Variants in SYNPR observed in about 807,000 individuals in gnomAD.
SYNPR encodes the protein synaptoporin.
Under a neutral mutation model 32.9 loss-of-function variants are expected in SYNPR, and 23 were observed. The ratio of observed to expected loss-of-function variants is 0.70; its 90% confidence interval spans 0.50 to 0.99. The LOEUF is 0.99. Among genes scored for constraint, SYNPR ranks in the 50% least tolerant of loss-of-function variants. SYNPR has a pLI of 0.00. For synonymous variants in SYNPR, 146 were observed against 135.9 expected, an observed-to-expected ratio of 1.07 and a Z score of -0.52; for missense variants, 318 against 349.3, an observed-to-expected ratio of 0.91 and a Z score of 0.71.
At chr3:63,553,054 T>C (rs1465931793) in intron 3 of SYNPR, among the ~76,000 whole-genome samples, 1 of 152,154 alleles carries the variant, frequency 6.6e-6, no homozygotes, top group African/African-American at 2.4e-5. Flanking sequence ...GCAGTGAGCA[T>C]AGCACCCAAT....
chr3:63,274,537 G>A (rs560414348), upstream of SYNPR, among the ~76,000 whole-genome samples: 2 of 152,314 alleles, frequency 1.3e-5, no homozygotes, highest in South Asian at 4.1e-4. Context: ...TTTGTAACTT[G>A]ATTCTCATTT....
chr3:63,230,734 T>C lies in SYNPR; in HGVS notation n.66+2354T>C, dbSNP rs552689525. On this transcript the variant is annotated intron_variant and non_coding_transcript_variant, in intron 1 of 4. Transcript: ENST00000478456. The stretch of plus-strand genomic sequence containing the variant: ...AGCCTCAATTTCATCATCTATAAAA[T>C]GGGGATAATAACAGCAACTACCTCA... Among the ~76,000 whole-genome samples, 5 of 152,270 alleles carry C rather than the reference T, an allele frequency of 3.3e-5. No homozygotes were observed. In the South Asian group the frequency reaches 8.3e-4, roughly 25 times the overall value.
At chr3:63,539,851 C>T (rs72887379) in intron 3 of SYNPR, among the ~76,000 whole-genome samples, 1,841 of 152,188 alleles carry the variant, frequency 0.012, 42 homozygotes, top group African/African-American at 0.042. Flanking sequence ...CCCAAGAATC[C>T]CCGGACAGAG....
At chr3:63,602,189 GTTCT>G (rs1418320831) in intron 4 of SYNPR, among the ~76,000 whole-genome samples, 2 of 152,018 alleles carry the variant, frequency 1.3e-5, no homozygotes, top group African/African-American at 2.4e-5. Context: ...TTTTAACGGG[GTTCT>G]TTGTTTTTTG....
In SYNPR at chr3:63,556,546, G is replaced by A. The variant is rs770520197; in HGVS notation, c.213G>A (p.Leu71=). The A allele has an allele frequency of 6.8e-6, 11 of 1,608,118 alleles. No individual in the cohort carries two copies. The highest frequency in any genetic ancestry group is 1.7e-4 in the Middle Eastern group (1 of 5,908). Residue 71 remains leucine (L), a synonymous_variant, in exon 4 of 6, where the codon TTG becomes TTA. Transcript: ENST00000478300. The part of the protein sequence containing the change: ...IDIAFAYPFR[L]HQVTFEVPTC... ...CTCCTTAAATCTGGCAATTTAGGTT[G>A]CACCAGGTGACGTTTGAGGTGCCCA... is the stretch of plus-strand genomic sequence containing the variant.
In SYNPR at chr3:63,449,473, A is replaced by G. The variant is rs560815491; in HGVS notation, c.85-31359A>G. 5.9e-5 allele frequency among the ~76,000 whole-genome samples: 9 copies of G among 152,272 alleles called. No individual in the cohort carries two copies. The South Asian group carries it at 1.9e-3, about 32-fold the overall frequency. On this transcript the variant is annotated intron_variant, in intron 2 of 5. Transcript: ENST00000478300. ...TATGTATTATAAGATGTTAAGCAGCATCCCTGCCTTCTACCCACTATGTGT... is the reference window on the plus strand; with the variant it reads ...TATGTATTATAAGATGTTAAGCAGCGTCCCTGCCTTCTACCCACTATGTGT...
At chr3:63,256,815 C>T (rs1428008226) in intron 2 of SYNPR, among the ~76,000 whole-genome samples, 1 of 152,038 alleles carries the variant, frequency 6.6e-6, no homozygotes, top group Non-Finnish European at 1.5e-5. Flanking sequence ...AAGTTAAAAA[C>T]ATTGAAAAAA....
chr3:63,396,833 G>A (rs1345044059), intron 2 of SYNPR, among the ~76,000 whole-genome samples: 1 of 152,166 alleles, frequency 6.6e-6, no homozygotes, highest in African/African-American at 2.4e-5. Context: ...GGCCGAGCGC[G>A]GTGGCTCACG....
intron 2 of SYNPR, among the ~76,000 whole-genome samples, chr3:63,320,541 A>G (rs758908065): frequency 7.9e-5 from 12 of 152,090 alleles, no homozygotes; most frequent in Non-Finnish European, 1.3e-4. Flanking sequence ...GCAGTGTGCA[A>G]CTAGACCAGG....
chr3:63,408,632 A>G (rs1179176786), intron 2 of SYNPR, among the ~76,000 whole-genome samples: 1 of 152,168 alleles, frequency 6.6e-6, no homozygotes, highest in East Asian at 1.9e-4. Flanking sequence ...CTGATACCCA[A>G]GGACAAGAGA....
chr3:63,503,035 G>C (rs1701512674), intron 3 of SYNPR, among the ~76,000 whole-genome samples: 1 of 152,120 alleles, frequency 6.6e-6, no homozygotes, highest in South Asian at 2.1e-4. Flanking sequence ...TGTTTAGTTT[G>C]TGTAAGAAAT....
chr3:63,323,691 T>C (rs367544515), intron 2 of SYNPR, among the ~76,000 whole-genome samples: 3 of 151,870 alleles, frequency 2.0e-5, no homozygotes, highest in East Asian at 3.9e-4. Context: ...GGTTCTAGAA[T>C]AGACAAAGAA....
At chr3:63,587,962 T>A (rs761772924) in intron 4 of SYNPR, among the ~76,000 whole-genome samples, 1 of 152,052 alleles carries the variant, frequency 6.6e-6, no homozygotes, top group African/African-American at 2.4e-5. Context: ...AAATTTCCCA[T>A]AGAACATAAT....
intron 2 of SYNPR, among the ~76,000 whole-genome samples, chr3:63,402,687 A>T (rs2088308281): frequency 6.6e-6 from 1 of 152,358 alleles, no homozygotes; most frequent in East Asian, 1.9e-4. Flanking sequence ...GGCCTAATCC[A>T]GGCCCATCTT....
At chr3:63,202,481 G>A in the SYNPR span, among the ~76,000 whole-genome samples, 2 of 152,178 alleles carry the variant, frequency 1.3e-5, no homozygotes, top group Admixed American at 1.3e-4. Context: ...ATTGTCAGCA[G>A]TTATCCCTCA....
At chr3:63,605,021 C>A (rs773151224) in intron 4 of SYNPR, among the ~76,000 whole-genome samples, 20 of 152,148 alleles carry the variant, frequency 1.3e-4, no homozygotes, top group Non-Finnish European at 2.8e-4. Flanking sequence ...TTCATTCATT[C>A]TTTCACTCAA....
intron 3 of SYNPR, among the ~76,000 whole-genome samples, chr3:63,516,184 T>G (rs2106763074): frequency 6.6e-6 from 1 of 152,242 alleles, no homozygotes; most frequent in South Asian, 2.1e-4. Context: ...CCCAGAACAT[T>G]GTGCTCACTA....
chr3:63,599,529 A>T (rs568201462), intron 4 of SYNPR, among the ~76,000 whole-genome samples: 1 of 152,350 alleles, frequency 6.6e-6, no homozygotes, highest in East Asian at 1.9e-4. Flanking sequence ...AGCATAAGCC[A>T]TACCACATAG....
At chr3:63,290,534 C>T (rs762474664) in intron 2 of SYNPR, among the ~76,000 whole-genome samples, 35 of 151,288 alleles carry the variant, frequency 2.3e-4, no homozygotes, top group Middle Eastern at 3.4e-3. Flanking sequence ...CACTCCCACT[C>T]CTTGAGAAAA....
Sources: gnomAD v4.1 joint callset for allele counts (sites outside exome capture counted in the v4.1 genomes callset) on GRCh38, gnomAD v4.1.1 for gene constraint, MANE v1.5 for transcripts, NCBI Gene and HGNC (gene_info 2026-07-23, HGNC 2026-07-21) for gene names.